DACH2: variants seen among roughly 807,000 people sequenced by gnomAD.
DACH2 encodes dachshund homolog 2.
Under a neutral mutation model 35.8 loss-of-function variants are expected in DACH2, and 17 were observed. The ratio of observed to expected loss-of-function variants is 0.48; its 90% CI spans 0.33 to 0.71. The LOEUF (loss-of-function observed/expected upper bound fraction) is 0.71. Ranked by LOEUF, DACH2 falls within the 30% of genes least tolerant of loss-of-function variation. DACH2 has a pLI of 0.02. For synonymous variants in DACH2, 195 were observed against 177.3 expected (o/e 1.10, Z -0.79); for missense variants, 469 against 472.7 (o/e 0.99, Z 0.07).
rs147489738 is a variant in DACH2 at position 86,312,598 on chromosome X, G to C, written c.489-64226G>C. 2.2e-3 allele frequency among the ~76,000 whole-genome samples: 241 copies of C among 111,822 alleles called. 1 individual carries two copies. The highest frequency in any genetic ancestry group is 3.4e-3 in the Non-Finnish European group (182 of 53,192). ...GGAAGGCAGATCTACCCTTAATCTG[G>C]TGTGCAGAATCTAATCATCTGCCAG... On this transcript the variant is annotated intron_variant, in intron 1 of 11. Transcript: ENST00000373125.
At chrX:86,549,689 A>G (rs1357445837) in intron 3 of DACH2, among the ~76,000 whole-genome samples, 1 of 111,195 alleles carries the variant, frequency 9.0e-6, no homozygotes, top group Non-Finnish European at 1.9e-5. Flanking sequence ...TATAGTGAAA[A>G]TGTAGTCAAA....
At chrX:86,168,685 T>A (rs1350353644) in intron 1 of DACH2, among the ~76,000 whole-genome samples, 1 of 110,282 alleles carries the variant, frequency 9.1e-6, no homozygotes, top group Non-Finnish European at 1.9e-5. Context: ...TGTCTTTTGG[T>A]TTGAGTTTAC....
intron 2 of DACH2, among the ~76,000 whole-genome samples, chrX:86,442,215 A>G (rs918593870): frequency 1.1e-4 from 12 of 109,910 alleles, no homozygotes; most frequent in African/African-American, 4.0e-4. Context: ...GGGTGAAGTG[A>G]TCGCTCATTG....
At chrX:86,307,216 G>C (rs2034707157) in intron 1 of DACH2, among the ~76,000 whole-genome samples, 1 of 111,900 alleles carries the variant, frequency 8.9e-6, no homozygotes, top group Non-Finnish European at 1.9e-5. Flanking sequence ...TTCAGAAGCA[G>C]ATACTGAGCC....
chrX:86,585,911 T>C (rs2039564355), intron 3 of DACH2, among the ~76,000 whole-genome samples: 1 of 111,484 alleles, frequency 9.0e-6, no homozygotes, highest in South Asian at 3.8e-4. Context: ...TGATTTATAT[T>C]CCTTTGAGTA....
intron 1 of DACH2, among the ~76,000 whole-genome samples, chrX:86,218,646 A>C (rs962525813): frequency 3.6e-5 from 4 of 112,107 alleles, no homozygotes; most frequent in Admixed American, 9.5e-5. Context: ...TGGATTACAA[A>C]CTGCAGTTTG....
intron 1 of DACH2, among the ~76,000 whole-genome samples, chrX:86,277,358 G>A (rs1366954329): frequency 1.8e-5 from 2 of 111,672 alleles, no homozygotes; most frequent in African/African-American, 3.3e-5. Flanking sequence ...TGGTGCAAAC[G>A]TAATTATGGT....
At position 86,407,614 on chromosome X, in the gene DACH2, A is replaced by G. The variant is rs182232557; in HGVS notation, c.527+30752A>G. Among the ~76,000 whole-genome samples, 5 of 112,185 alleles carry G rather than the reference A, an allele frequency of 4.5e-5. No homozygotes were observed. The East Asian group carries it at 1.1e-3, about 25-fold the overall frequency. ...AGAATGGGGAAGAGCTTCTAAATGG[A>G]GATAATCCATACCCAACCATACGGA... is the stretch of plus-strand genomic sequence containing the variant. On this transcript the variant is annotated intron_variant, in intron 2 of 11. Coordinates refer to ENST00000373125, the MANE Select transcript of DACH2 (RefSeq NM_053281.3).
rs145687597 is a variant in DACH2 at position 86,516,156 on chromosome X, G to C, written c.640+1765G>C. Among the ~76,000 whole-genome samples, 216 of 111,602 alleles carry C rather than the reference G, an allele frequency of 1.9e-3. 1 individual carries two copies. Among genetic ancestry groups the C allele is most frequent in the African/African-American group, 6.3e-3 (195 of 30,743 alleles). On this transcript the variant is annotated intron_variant, in intron 3 of 11. Transcript: ENST00000373125. ...TATAAACAAATTCTGATATAAGAGA[G>C]TAGCCCTGTGCATATAAATGAAGAT...
chrX:86,445,370 AG>A (rs1284355896), intron 2 of DACH2, among the ~76,000 whole-genome samples: 1 of 13,957 alleles, frequency 7.2e-5, no homozygotes, highest in Non-Finnish European at 1.2e-4. Flanking sequence ...GGGTCGGGGG[AG>A]GGGGGAGGGA....
intron 7 of DACH2, among the ~76,000 whole-genome samples, chrX:86,787,618 CAAA>C (rs5902916): frequency 0.039 from 2,803 of 72,250 alleles, 138 homozygotes; most frequent in African/African-American, 0.13. Context: ...AACTCAGTCT[CAAA>C]AAAAAAAAAA....
intron 3 of DACH2, among the ~76,000 whole-genome samples, chrX:86,515,925 T>A (rs757877169): frequency 1.8e-5 from 2 of 111,869 alleles, no homozygotes; most frequent in Non-Finnish European, 3.8e-5. Flanking sequence ...TCCAATAGAA[T>A]GGAGAAAAGG....
At chrX:86,544,147 G>A (rs1287160569) in intron 3 of DACH2, among the ~76,000 whole-genome samples, 1 of 111,123 alleles carries the variant, frequency 9.0e-6, no homozygotes, top group East Asian at 2.8e-4. Flanking sequence ...AATATGAGAT[G>A]ATGTAAAGAG....
chrX:86,579,007 T>G (rs900449640), intron 3 of DACH2, among the ~76,000 whole-genome samples: 1 of 112,053 alleles, frequency 8.9e-6, no homozygotes, highest in African/African-American at 3.2e-5. Flanking sequence ...TTGCTAATGA[T>G]GCTGATTATT....
At chrX:86,529,509 G>T (rs954033222) in intron 3 of DACH2, among the ~76,000 whole-genome samples, 2 of 101,569 alleles carry the variant, frequency 2.0e-5, no homozygotes, top group South Asian at 9.4e-4. Context: ...AGTCTCGCTC[G>T]TCGCCCAGGC....
At chrX:86,617,881 A>G (rs1410634757) in intron 3 of DACH2, among the ~76,000 whole-genome samples, 1 of 112,512 alleles carries the variant, frequency 8.9e-6, no homozygotes, top group Non-Finnish European at 1.9e-5. Context: ...TGAATAAGCT[A>G]TTTAATGTTT....
intron 4 of DACH2, among the ~76,000 whole-genome samples, chrX:86,653,650 C>T (rs1002537787): frequency 2.9e-5 from 3 of 104,412 alleles, no homozygotes; most frequent in African/African-American, 6.9e-5. Context: ...TTAGTTTGGC[C>T]GGATATAAAA....
intron 3 of DACH2, among the ~76,000 whole-genome samples, chrX:86,604,735 T>C (rs1055882022): frequency 4.5e-5 from 5 of 111,322 alleles, no homozygotes; most frequent in African/African-American, 1.6e-4. Flanking sequence ...TGTAATCACA[T>C]GAGTCCTTAA....
At chrX:86,390,362 A>G (rs1005791106) in intron 2 of DACH2, among the ~76,000 whole-genome samples, 3 of 111,400 alleles carry the variant, frequency 2.7e-5, no homozygotes, top group African/African-American at 9.8e-5. Context: ...ATCCTTATAC[A>G]GGAGGCGGGA....
Sources: allele counts gnomAD v4.1 joint callset (sites outside exome capture counted in the v4.1 genomes callset), GRCh38; gene constraint gnomAD v4.1.1; transcripts MANE v1.5; gene names NCBI Gene and HGNC (gene_info 2026-07-23, HGNC 2026-07-21).